Variants in GSE1 observed in about 807,000 individuals in gnomAD.
GSE1 encodes genetic suppressor element 1.
Under a neutral mutation model 112.6 loss-of-function variants are expected in GSE1, and 32 were observed. The ratio of observed to expected loss-of-function variants is 0.28; its 90% CI spans 0.21 to 0.38. The LOEUF (loss-of-function observed/expected upper bound fraction) is 0.38, where lower values mean the gene tolerates loss of function less well. Ranked by LOEUF, GSE1 falls within the 10% of genes least tolerant of loss-of-function variation. GSE1 has a pLI of 1.00. For missense variants in GSE1, 2,348 were observed against 1,699.2 expected (o/e 1.38, Z -6.71); for synonymous variants, 1,115 against 735.6 (o/e 1.52, Z -8.35).
At chr16:85,636,775 C>A (rs1487828767) in intron 2 of GSE1, among the ~76,000 whole-genome samples, 1 of 152,188 alleles carries the variant, frequency 6.6e-6, no homozygotes, top group Non-Finnish European at 1.5e-5. Flanking sequence ...CCCCTCACCC[C>A]TAGCACCACT....
intron 2 of GSE1, among the ~76,000 whole-genome samples, chr16:85,638,398 C>T (rs537784624): frequency 6.6e-6 from 1 of 152,360 alleles, no homozygotes; most frequent in African/African-American, 2.4e-5. Context: ...CTTTAACCTA[C>T]TCACCTACTC....
intron 1 of GSE1, among the ~76,000 whole-genome samples, chr16:85,627,790 C>G (rs1217614439): frequency 2.0e-5 from 3 of 152,198 alleles, no homozygotes; most frequent in African/African-American, 4.8e-5. Flanking sequence ...CAGTCAATGT[C>G]CAGGAGCGCA....
chr16:85,287,348 C>T (rs1049749698), intron 1 of GSE1, among the ~76,000 whole-genome samples: 9 of 152,154 alleles, frequency 5.9e-5, no homozygotes, highest in African/African-American at 2.2e-4. Context: ...CTGCACCAGC[C>T]ACCCCAGGGT....
intron 1 of GSE1, among the ~76,000 whole-genome samples, chr16:85,259,507 G>A (rs548978716): frequency 1.1e-3 from 168 of 152,368 alleles, no homozygotes; most frequent in Middle Eastern, 0.01. Flanking sequence ...AGGCCCTCAC[G>A]GCCGGCTTGT....
chr16:85,272,504 A>G (rs1392449509), intron 1 of GSE1, among the ~76,000 whole-genome samples: 1 of 152,170 alleles, frequency 6.6e-6, no homozygotes, highest in African/African-American at 2.4e-5. Context: ...CATAGGTGGC[A>G]TTCTCCTAAA....
intron 2 of GSE1, among the ~76,000 whole-genome samples, chr16:85,528,771 G>A (rs2052450784): frequency 6.6e-6 from 1 of 152,116 alleles, no homozygotes; most frequent in Non-Finnish European, 1.5e-5. Flanking sequence ...TCGTCTGGGG[G>A]AAGTGCAAGC....
chr16:85,197,920 C>A (rs908050896), intron 1 of GSE1, among the ~76,000 whole-genome samples: 3 of 152,186 alleles, frequency 2.0e-5, no homozygotes, highest in African/African-American at 7.2e-5. Flanking sequence ...GGTGTGTTTT[C>A]TTTCCATCTT....
chr16:85,625,684 C>T lies in GSE1; in HGVS notation c.8-8230C>T, dbSNP rs562160435. ...AAACCGGGGTGGCCAGCCCCCTCCC[C>T]GTCACCCCCATTCACAGCAGGACTG... On this transcript the variant is annotated intron_variant, in intron 1 of 15. Transcript: ENST00000253458. Among the ~76,000 whole-genome samples the T allele has an allele frequency of 1.6e-3, 237 of 152,238 alleles. 1 individual carries two copies. Among genetic ancestry groups the T allele is most frequent in the Non-Finnish European group, 2.6e-3 (179 of 67,996 alleles).
intron 1 of GSE1, among the ~76,000 whole-genome samples, chr16:85,294,117 C>T (rs1177559279): frequency 6.6e-6 from 1 of 152,202 alleles, no homozygotes; most frequent in Non-Finnish European, 1.5e-5. Context: ...CCGCAACAGC[C>T]AAGCCAGGTG....
chr16:85,634,168 G>A (rs1452653438), intron 2 of GSE1, 36 bp downstream of exon 2: 30 of 1,346,212 alleles, frequency 2.2e-5, no homozygotes, highest in Admixed American at 3.5e-5. Flanking sequence ...TGGGGGGAGC[G>A]GCGGCTCCCG....
At chr16:85,394,238 G>C (rs1016064371) in intron 2 of GSE1, among the ~76,000 whole-genome samples, 1 of 152,136 alleles carries the variant, frequency 6.6e-6, no homozygotes, top group East Asian at 1.9e-4. Flanking sequence ...CGAGGTCAAG[G>C]CCCGAGAAAT....
chr16:85,482,987 A>AC (rs1467203121), intron 2 of GSE1, among the ~76,000 whole-genome samples: 13 of 151,394 alleles, frequency 8.6e-5, no homozygotes, highest in African/African-American at 3.2e-4. Flanking sequence ...CAAAAAAAAA[A>AC]AAAAAAAAAA....
chr16:85,313,307 T>A (rs2045903758), intron 1 of GSE1, among the ~76,000 whole-genome samples: 1 of 152,042 alleles, frequency 6.6e-6, no homozygotes, highest in Non-Finnish European at 1.5e-5. Flanking sequence ...CTGCGTGTCT[T>A]CCTCAAGGTC....
At chr16:85,518,136 C>T (rs1030493052) in intron 2 of GSE1, among the ~76,000 whole-genome samples, 3 of 152,234 alleles carry the variant, frequency 2.0e-5, no homozygotes, top group Non-Finnish European at 4.4e-5. Context: ...GCAGAGGCTG[C>T]TGCCACGGCC....
At chr16:85,402,817 G>C (rs927797610) in intron 2 of GSE1, among the ~76,000 whole-genome samples, 2 of 151,940 alleles carry the variant, frequency 1.3e-5, no homozygotes, top group Non-Finnish European at 2.9e-5. Flanking sequence ...TGGGAGGCTG[G>C]GGCGGGAGGA....
intron 2 of GSE1, among the ~76,000 whole-genome samples, chr16:85,480,107 C>G (rs1190349943): frequency 1.3e-5 from 2 of 152,240 alleles, no homozygotes; most frequent in Non-Finnish European, 2.9e-5. Flanking sequence ...CCTCAACGTC[C>G]TGTTCCCATT....
chr16:85,372,486 CAAAAAAA>C (rs3030350), intron 2 of GSE1, among the ~76,000 whole-genome samples: 2 of 87,554 alleles, frequency 2.3e-5, no homozygotes, highest in Admixed American at 1.3e-4. Context: ...CTCTGTCTCA[CAAAAAAA>C]AAAAAAAAAA....
intron 2 of GSE1, among the ~76,000 whole-genome samples, chr16:85,485,526 G>A: frequency 6.6e-6 from 1 of 152,254 alleles, no homozygotes; most frequent in East Asian, 1.9e-4. Context: ...GCCGTTCTGG[G>A]AGGGCATCAT....
chr16:85,347,274 G>C (rs1011841453), intron 1 of GSE1, among the ~76,000 whole-genome samples: 1 of 152,120 alleles, frequency 6.6e-6, no homozygotes, highest in African/African-American at 2.4e-5. Flanking sequence ...TCTGAGCTCA[G>C]CCTAGCTCCC....
Sources: allele counts gnomAD v4.1 joint callset (sites outside exome capture counted in the v4.1 genomes callset), GRCh38; gene constraint gnomAD v4.1.1; transcripts MANE v1.5; gene names NCBI Gene and HGNC (gene_info 2026-07-23, HGNC 2026-07-21).